SLC8A1: variants seen among roughly 807,000 people sequenced by gnomAD.
The protein encoded by SLC8A1 is solute carrier family 8 member A1.
SLC8A1 carries 18 observed loss-of-function variants against 68.3 expected under a neutral mutation model. That is an observed-to-expected ratio of 0.26 (90% CI 0.18 to 0.39). SLC8A1 has a LOEUF of 0.39. SLC8A1 is among the 10% of genes least tolerant of loss of function. The pLI, the probability that SLC8A1 is intolerant of heterozygous loss-of-function variation, is 1.00. For missense variants in SLC8A1, 985 were observed against 1,156.7 expected, an observed-to-expected ratio of 0.85 and a Z score of 2.15; for synonymous variants, 475 against 415.5, an observed-to-expected ratio of 1.14 and a Z score of -1.74.
chr2:40,366,746 A>G (rs909096186), intron 2 of SLC8A1, among the ~76,000 whole-genome samples: 5 of 149,850 alleles, frequency 3.3e-5, no homozygotes, highest in Non-Finnish European at 5.9e-5. Context: ...TCTCCCTACA[A>G]TGTTATTTCT....
intron 2 of SLC8A1, among the ~76,000 whole-genome samples, chr2:40,259,799 G>A (rs391378): frequency 0.15 from 22,143 of 152,176 alleles, 1,895 homozygotes; most frequent in Admixed American, 0.29. Context: ...TTGGCAAAGA[G>A]TTTGGGCTAG....
chr2:40,246,859 A>G (rs1395746932), intron 2 of SLC8A1, among the ~76,000 whole-genome samples: 6 of 152,316 alleles, frequency 3.9e-5, no homozygotes, highest in African/African-American at 9.6e-5. Flanking sequence ...TTTAAAGGAA[A>G]ATGGTTAGAT....
chr2:40,237,967 G>C (rs2060636989), intron 2 of SLC8A1, among the ~76,000 whole-genome samples: 1 of 151,802 alleles, frequency 6.6e-6, no homozygotes, highest in Non-Finnish European at 1.5e-5. Flanking sequence ...CCCGTTCTCA[G>C]ATCTCCAGCT....
At chr2:40,439,813 TAAAAAGAA>T (rs1457909167) in intron 1 of SLC8A1, among the ~76,000 whole-genome samples, 2 of 152,100 alleles carry the variant, frequency 1.3e-5, no homozygotes, top group African/African-American at 2.4e-5. Context: ...AAGTAGGAAG[TAAAAAGAA>T]ACATATTTTA....
Position 40,395,019 on chromosome 2 carries a change from G to A in SLC8A1, c.1808+33454C>T, listed in dbSNP as rs559269545. ...GATGTGCACAAATGCTCATGTCTGT[G>A]TAAACAAATTCACCTACTGATTATA... On this transcript the variant is annotated intron_variant, in intron 2 of 7. Coordinates refer to ENST00000406785, the Ensembl canonical transcript of SLC8A1. Among the ~76,000 whole-genome samples, 4 of 152,264 alleles carry A rather than the reference G, an allele frequency of 2.6e-5. No homozygotes were observed. The South Asian group carries it at 6.2e-4, about 24-fold the overall frequency.
At position 40,130,565 on chromosome 2, in the gene SLC8A1, T is replaced by C. The variant is rs542325730; in HGVS notation, c.2437+8836A>G. 3.3e-5 allele frequency among the ~76,000 whole-genome samples: 5 copies of C among 152,320 alleles called. No homozygotes were observed. In the South Asian group the frequency reaches 1.0e-3, roughly 32 times the overall value. Reference sequence around the variant, plus strand: ...CTTGGCCTGACTGCAGATCTGAGGGTCCATTCAGCAGTACTGAACTTTTTT... The same window carrying C: ...CTTGGCCTGACTGCAGATCTGAGGGCCCATTCAGCAGTACTGAACTTTTTT... On this transcript the variant is annotated intron_variant, in intron 7 of 7. Coordinates refer to ENST00000406785, the Ensembl canonical transcript of SLC8A1.
At chr2:40,121,126 A>G (rs2036673561) in intron 7 of SLC8A1, among the ~76,000 whole-genome samples, 1 of 152,244 alleles carries the variant, frequency 6.6e-6, no homozygotes, top group South Asian at 2.1e-4. Flanking sequence ...TGGCCCAGAC[A>G]GAAACAGAAA....
intron 2 of SLC8A1, among the ~76,000 whole-genome samples, chr2:40,207,032 A>T (rs1337609436): frequency 6.6e-6 from 1 of 152,130 alleles, no homozygotes; most frequent in Non-Finnish European, 1.5e-5. Context: ...ATGAAAAAGA[A>T]TGATAAGATA....
chr2:40,145,217 G>A (rs1234988246), intron 6 of SLC8A1, among the ~76,000 whole-genome samples: 9 of 152,106 alleles, frequency 5.9e-5, no homozygotes, highest in Admixed American at 2.6e-4. Flanking sequence ...CTTTCACTTA[G>A]CATAATGTCT....
At chr2:40,209,103 A>ATAAT (rs2056073053) in intron 2 of SLC8A1, 1 of 152,148 alleles carries the variant, frequency 6.6e-6, no homozygotes, top group Admixed American at 6.6e-5. Flanking sequence ...GTAATATATA[A>ATAAT]TAATTAAAGT....
chr2:40,356,250 C>T (rs772185095), intron 2 of SLC8A1, among the ~76,000 whole-genome samples: 2 of 152,140 alleles, frequency 1.3e-5, no homozygotes, highest in Non-Finnish European at 2.9e-5. Context: ...AGTGTGAAGA[C>T]TAATTCCTTA....
At chr2:40,144,918 C>T (rs1259398493) in intron 6 of SLC8A1, among the ~76,000 whole-genome samples, 1 of 152,050 alleles carries the variant, frequency 6.6e-6, no homozygotes, top group Non-Finnish European at 1.5e-5. Context: ...GTTACTTTTT[C>T]CTGTGACAAG....
At chr2:40,173,334 C>A (rs1455558201) in intron 4 of SLC8A1, among the ~76,000 whole-genome samples, 3 of 152,142 alleles carry the variant, frequency 2.0e-5, no homozygotes, top group Non-Finnish European at 4.4e-5. Context: ...AAAAAATAAC[C>A]TTTAGTAGTG....
At chr2:40,178,988 G>A (rs988989659) in intron 2 of SLC8A1, among the ~76,000 whole-genome samples, 3 of 151,872 alleles carry the variant, frequency 2.0e-5, no homozygotes, top group African/African-American at 7.3e-5. Flanking sequence ...TCCAAATATA[G>A]TATTTTTATC....
intron 2 of SLC8A1, among the ~76,000 whole-genome samples, chr2:40,321,159 T>A (rs369090038): frequency 6.6e-6 from 1 of 152,184 alleles, no homozygotes; most frequent in Non-Finnish European, 1.5e-5. Context: ...ATGAGACATC[T>A]TTATTTGCAA....
intron 2 of SLC8A1, among the ~76,000 whole-genome samples, chr2:40,424,842 G>T (rs191959347): frequency 6.6e-6 from 1 of 151,822 alleles, no homozygotes; most frequent in African/African-American, 2.4e-5. Flanking sequence ...AATTTGATTT[G>T]TATCTACATT....
At chr2:40,151,500 G>T (rs558855942) in intron 6 of SLC8A1, among the ~76,000 whole-genome samples, 92 of 151,454 alleles carry the variant, frequency 6.1e-4, no homozygotes, top group African/African-American at 2.2e-3. Context: ...GGTTGTTGTT[G>T]TTTTTTTTTA....
chr2:40,346,860 A>G (rs1374784242), intron 2 of SLC8A1, among the ~76,000 whole-genome samples: 1 of 152,218 alleles, frequency 6.6e-6, no homozygotes, highest in Non-Finnish European at 1.5e-5. Flanking sequence ...GCATATTTTC[A>G]GCCAGCATCT....
chr2:40,352,881 G>A lies in SLC8A1; in HGVS notation c.1808+75592C>T, dbSNP rs558305599. Among the ~76,000 whole-genome samples the A allele has an allele frequency of 2.0e-5, 3 of 152,270 alleles. No individual in the cohort carries two copies. The South Asian group carries it at 6.2e-4, about 32-fold the overall frequency. On this transcript the variant is annotated intron_variant, in intron 2 of 7. Transcript: ENST00000406785. ...TACTCCCTGTTCTCCAGTCACGTCTGTATCCAGTAAGAGCTTTCCAACTCT... is the reference window on the plus strand; with the variant it reads ...TACTCCCTGTTCTCCAGTCACGTCTATATCCAGTAAGAGCTTTCCAACTCT...
Sources: gnomAD v4.1 joint callset for allele counts (sites outside exome capture counted in the v4.1 genomes callset) on GRCh38, gnomAD v4.1.1 for gene constraint, MANE v1.5 for transcripts, NCBI Gene and HGNC (gene_info 2026-07-23, HGNC 2026-07-21) for gene names.